Variants in LARP4B observed in about 807,000 individuals in gnomAD.
The protein encoded by LARP4B is La ribonucleoprotein 4B.
Under a neutral mutation model 89.8 loss-of-function variants are expected in LARP4B, and 12 were observed. The ratio of observed to expected loss-of-function variants is 0.13; its 90% CI spans 0.09 to 0.22. The LOEUF is 0.22. Among genes scored for constraint, LARP4B ranks in the 10% least tolerant of loss-of-function variants. LARP4B has a pLI of 1.00. For missense variants in LARP4B, 757 were observed against 947.7 expected (o/e 0.80, Z 2.64); for synonymous variants, 367 against 363.3 (o/e 1.01, Z -0.12).
intron 3 of LARP4B, among the ~76,000 whole-genome samples, chr10:876,299 G>C (rs532765909): frequency 5.9e-5 from 9 of 152,108 alleles, no homozygotes; most frequent in African/African-American, 2.2e-4. Context: ...CAGGAGAATC[G>C]CTTGAACCCA....
At chr10:895,908 TCA>T (rs1169366650) in intron 1 of LARP4B, among the ~76,000 whole-genome samples, 5 of 152,314 alleles carry the variant, frequency 3.3e-5, no homozygotes, top group African/African-American at 1.2e-4. Flanking sequence ...TCCCAGAGTC[TCA>T]GTTTTTTAAA....
At chr10:943,220 T>C in the LARP4B span, among the ~76,000 whole-genome samples, 1 of 152,162 alleles carries the variant, frequency 6.6e-6, no homozygotes, top group African/African-American at 2.4e-5. Context: ...GTGCTGGGAT[T>C]ACAGGCATGA....
At position 838,413 on chromosome 10, in the gene LARP4B, A is replaced by C. The variant is rs563664674; in HGVS notation, c.647-1907T>G. 2.6e-5 allele frequency among the ~76,000 whole-genome samples: 4 copies of C among 152,350 alleles called. 1 individual carries two copies. The South Asian group carries it at 8.3e-4, about 32-fold the overall frequency. ...ATCAAAATGCACAAAAAACTTTAAAAATCAACAATAAGAAAATGAACAAGA... is the reference window on the plus strand; with the variant it reads ...ATCAAAATGCACAAAAAACTTTAAACATCAACAATAAGAAAATGAACAAGA... On this transcript the variant is annotated intron_variant, in intron 7 of 17. Coordinates refer to ENST00000316157, the MANE Select transcript of LARP4B (RefSeq NM_015155.3).
chr10:966,189 T>A, the LARP4B span, among the ~76,000 whole-genome samples: 1 of 151,992 alleles, frequency 6.6e-6, no homozygotes, highest in Non-Finnish European at 1.5e-5. Context: ...GTGTGGTGGC[T>A]CACATCTGTG....
intron 1 of LARP4B, among the ~76,000 whole-genome samples, chr10:908,557 C>G (rs1353430647): frequency 6.6e-6 from 1 of 152,218 alleles, no homozygotes; most frequent in Middle Eastern, 3.4e-3. Flanking sequence ...GACACTATCT[C>G]CAGGTAGAGT....
intron 5 of LARP4B, among the ~76,000 whole-genome samples, chr10:859,977 C>G (rs907856617): frequency 6.6e-6 from 1 of 151,762 alleles, no homozygotes; most frequent in Non-Finnish European, 1.5e-5. Flanking sequence ...TTTCTCCAAA[C>G]CCACAGAACG....
At chr10:928,782 A>G (rs775998258) in intron 1 of LARP4B, among the ~76,000 whole-genome samples, 17 of 152,070 alleles carry the variant, frequency 1.1e-4, no homozygotes, top group Non-Finnish European at 1.5e-4. Context: ...AGGTCTCTCT[A>G]TGTTGCCCAG....
rs1425194357 is a variant in LARP4B at position 925,426 on chromosome 10, AT to A, written c.-40+6001del. Among the ~76,000 whole-genome samples, 9 of 152,242 alleles carry A rather than the reference AT, an allele frequency of 5.9e-5. No individual in the cohort carries two copies. The South Asian group carries it at 1.2e-3, about 21-fold the overall frequency. On this transcript the variant is annotated intron_variant, in intron 1 of 17. Coordinates refer to ENST00000316157, the MANE Select transcript of LARP4B (RefSeq NM_015155.3). The stretch of plus-strand genomic sequence containing the variant: ...ACATCCACTAAAGTTTAAAAGATAC[AT>A]TTTCAATATTGCAATTGTTTCATTT...
At chr10:982,567 A>G in the LARP4B span, among the ~76,000 whole-genome samples, 1 of 152,230 alleles carries the variant, frequency 6.6e-6, no homozygotes, top group Non-Finnish European at 1.5e-5. Flanking sequence ...TTGCCTCAAA[A>G]TATGAAATCA....
the LARP4B span, among the ~76,000 whole-genome samples, chr10:966,826 C>T: frequency 6.6e-6 from 1 of 151,686 alleles, no homozygotes; most frequent in Non-Finnish European, 1.5e-5. Flanking sequence ...CTGAGGCCAC[C>T]CCCTCACCCC....
At chr10:898,887 C>T (rs1836259421) in intron 1 of LARP4B, among the ~76,000 whole-genome samples, 1 of 152,202 alleles carries the variant, frequency 6.6e-6, no homozygotes, top group Non-Finnish European at 1.5e-5. Flanking sequence ...TATAATTTTG[C>T]TATTCAACTA....
Position 811,689 on chromosome 10 carries a change from G to C in LARP4B, c.*1237C>G, listed in dbSNP as rs1222260273. 2 of 152,480 alleles carry C rather than the reference G, an allele frequency of 1.3e-5. No individual in the cohort carries two copies. Among genetic ancestry groups the C allele is most frequent in the Non-Finnish European group, 2.9e-5 (2 of 68,014 alleles). The allele number at this position is 152,480 out of a possible 1,614,324, so 9.4% of individuals were successfully genotyped here. On this transcript the variant is annotated 3_prime_UTR_variant, in exon 18 of 18. Coordinates refer to ENST00000316157, the MANE Select transcript of LARP4B (RefSeq NM_015155.3). ...AATTTTTTCTTAAAAAAAACCCTCA[G>C]TCTTGTTAAATAACATTTTGTGGAA...
the LARP4B span, among the ~76,000 whole-genome samples, chr10:944,539 A>G: frequency 6.6e-6 from 1 of 152,210 alleles, no homozygotes; most frequent in African/African-American, 2.4e-5. Flanking sequence ...AGGTATGAAG[A>G]AACAGCATAG....
At chr10:849,965 C>G (rs987378288) in intron 5 of LARP4B, among the ~76,000 whole-genome samples, 5 of 152,088 alleles carry the variant, frequency 3.3e-5, no homozygotes, top group South Asian at 2.1e-4. Flanking sequence ...CCTAAGGAGA[C>G]GTAACAATGA....
chr10:966,516 G>A, the LARP4B span, among the ~76,000 whole-genome samples: 2 of 152,240 alleles, frequency 1.3e-5, no homozygotes, highest in African/African-American at 4.8e-5. Flanking sequence ...AACAGAAGAG[G>A]AGCCGTGGGA....
At chr10:854,601 T>C (rs1272083646) in intron 5 of LARP4B, among the ~76,000 whole-genome samples, 3 of 151,834 alleles carry the variant, frequency 2.0e-5, no homozygotes, top group African/African-American at 7.3e-5. Flanking sequence ...GAGCAGTAGG[T>C]CTAAACAGTA....
At position 888,351 on chromosome 10, in the gene LARP4B, C is replaced by A. The variant is rs868211589; in HGVS notation, c.-39-2591G>T. ...AAACAAACAAACAAAAAAAAAAAAACACACACACACACACAAACAAAAACC... is the reference window on the plus strand; with the variant it reads ...AAACAAACAAACAAAAAAAAAAAAAAACACACACACACACAAACAAAAACC... On this transcript the variant is annotated intron_variant, in intron 1 of 17. Transcript: ENST00000316157. Among the ~76,000 whole-genome samples the A allele has an allele frequency of 4.7e-3, 637 of 135,328 alleles. 2 individuals carry two copies. The highest frequency in any genetic ancestry group is 7.5e-3 in the Middle Eastern group (2 of 268). The allele number at this position is 135,328 out of a possible 152,430, so 88.8% of individuals were successfully genotyped here.
At chr10:983,080 G>T in the LARP4B span, among the ~76,000 whole-genome samples, 1 of 152,188 alleles carries the variant, frequency 6.6e-6, no homozygotes, top group Non-Finnish European at 1.5e-5. Flanking sequence ...CATAGGTTCG[G>T]ATTTTCTAAA....
chr10:912,572 CAATA>C lies in LARP4B; in HGVS notation c.-40+18852_-40+18855del, dbSNP rs1170405274. 4.6e-5 allele frequency among the ~76,000 whole-genome samples: 7 copies of C among 152,156 alleles called. No homozygotes were observed. The South Asian group carries it at 1.5e-3, about 32-fold the overall frequency. Reference sequence around the variant, plus strand: ...CCACCTATCTAACCAGACTGCTCTCCAATATATGACGTTCTATGGCCGAGCGCAT... The same window carrying C: ...CCACCTATCTAACCAGACTGCTCTCCTATGACGTTCTATGGCCGAGCGCAT... On this transcript the variant is annotated intron_variant, in intron 1 of 17. Coordinates refer to ENST00000316157, the MANE Select transcript of LARP4B (RefSeq NM_015155.3).
Sources: allele counts gnomAD v4.1 joint callset (sites outside exome capture counted in the v4.1 genomes callset), GRCh38; gene constraint gnomAD v4.1.1; transcripts MANE v1.5; gene names NCBI Gene and HGNC (gene_info 2026-07-23, HGNC 2026-07-21).